Variants in ZNF438 observed in about 807,000 individuals in gnomAD.
The protein encoded by ZNF438 is zinc finger protein 438.
A neutral mutation model predicts 38.0 loss-of-function variants in ZNF438; 25 were observed. The ratio of observed to expected loss-of-function variants is 0.66; its 90% confidence interval spans 0.48 to 0.92. The LOEUF (loss-of-function observed/expected upper bound fraction) is 0.92, where lower values mean the gene tolerates loss of function less well. Ranked by LOEUF, ZNF438 falls within the 40% of genes least tolerant of loss-of-function variation. The probability of loss-of-function intolerance (pLI) is 0.00; values close to 1 mark genes in which losing one functional copy is unlikely to be tolerated. For missense variants in ZNF438, 1,007 were observed against 999.6 expected (o/e 1.01, Z -0.10); for synonymous variants, 372 against 364.1 (o/e 1.02, Z -0.25).
intron 1 of ZNF438, among the ~76,000 whole-genome samples, chr10:30,978,317 C>T (rs1030215616): frequency 1.3e-5 from 2 of 152,058 alleles, no homozygotes; most frequent in African/African-American, 4.8e-5. Context: ...ATATTGTATA[C>T]ACTGATTTAT....
At chr10:30,908,081 TTGACTC>T (rs1309895666) in intron 3 of ZNF438, among the ~76,000 whole-genome samples, 1 of 152,188 alleles carries the variant, frequency 6.6e-6, no homozygotes, top group Non-Finnish European at 1.5e-5. Flanking sequence ...GATTTCCTCT[TTGACTC>T]TGATTATTTA....
At chr10:30,874,620 T>C (rs879310718) in intron 4 of ZNF438, among the ~76,000 whole-genome samples, 3 of 152,102 alleles carry the variant, frequency 2.0e-5, no homozygotes, top group Non-Finnish European at 4.4e-5. Flanking sequence ...TATATTATTT[T>C]TCCTTATTGA....
intron 4 of ZNF438, among the ~76,000 whole-genome samples, chr10:30,860,454 C>G (rs749671058): frequency 3.9e-5 from 6 of 152,254 alleles, no homozygotes; most frequent in East Asian, 3.8e-4. Context: ...TCCAATTAAT[C>G]TGCTGATCTG....
At chr10:31,018,129 C>T (rs1395207179) in intron 1 of ZNF438, among the ~76,000 whole-genome samples, 1 of 152,182 alleles carries the variant, frequency 6.6e-6, no homozygotes, top group African/African-American at 2.4e-5. Flanking sequence ...CCAAGAAAAT[C>T]TAACAGGAGA....
chr10:31,014,049 A>T (rs377012092), intron 1 of ZNF438, among the ~76,000 whole-genome samples: 4 of 152,256 alleles, frequency 2.6e-5, no homozygotes, highest in African/African-American at 9.6e-5. Flanking sequence ...TTTAATAATG[A>T]TATCCTTGAT....
At chr10:30,965,130 TA>T (rs2136108806) in intron 1 of ZNF438, among the ~76,000 whole-genome samples, 1 of 152,182 alleles carries the variant, frequency 6.6e-6, no homozygotes, top group South Asian at 2.1e-4. Context: ...GCAAAGGACA[TA>T]AACAAACACT....
At chr10:30,914,227 T>C (rs1266167320) in intron 2 of ZNF438, among the ~76,000 whole-genome samples, 2 of 151,934 alleles carry the variant, frequency 1.3e-5, no homozygotes, top group South Asian at 2.1e-4. Flanking sequence ...AAGTTAAATC[T>C]AAGGATCCAT....
chr10:30,942,578 A>G (rs1484435105), intron 1 of ZNF438, among the ~76,000 whole-genome samples: 1 of 152,256 alleles, frequency 6.6e-6, no homozygotes, highest in Non-Finnish European at 1.5e-5. Flanking sequence ...TGATATGGTT[A>G]CAAACATAGG....
At chr10:30,908,397 G>A (rs2134472275) in intron 3 of ZNF438, among the ~76,000 whole-genome samples, 1 of 152,286 alleles carries the variant, frequency 6.6e-6, no homozygotes, top group Non-Finnish European at 1.5e-5. Flanking sequence ...TTATAATGTT[G>A]GATCTGGGAA....
chr10:31,010,285 TTC>T (rs1194800384), intron 1 of ZNF438, among the ~76,000 whole-genome samples: 71 of 152,326 alleles, frequency 4.7e-4, no homozygotes, highest in African/African-American at 1.7e-3. Context: ...CCATGGCCAG[TTC>T]CTATTCCATG....
Position 30,975,949 on chromosome 10 carries a change from T to C in ZNF438, c.-191-34298A>G, listed in dbSNP as rs1168709120. ...AGTTAAAAATCTTAGATCATATTAA[T>C]GAAAACAGAGAAGCAGATAAGTAAA... On this transcript the variant is annotated intron_variant, in intron 1 of 5. Coordinates refer to ENST00000413025, the Ensembl canonical transcript of ZNF438. Among the ~76,000 whole-genome samples, 6 of 151,990 alleles carry C rather than the reference T, an allele frequency of 3.9e-5. No individual in the cohort carries two copies. In the East Asian group the frequency reaches 9.6e-4, roughly 24 times the overall value.
At chr10:30,873,489 T>C (rs547580061) in intron 4 of ZNF438, among the ~76,000 whole-genome samples, 1 of 152,312 alleles carries the variant, frequency 6.6e-6, no homozygotes, top group Non-Finnish European at 1.5e-5. Context: ...AAATTCCACT[T>C]GCTTGACTTG....
intron 1 of ZNF438, among the ~76,000 whole-genome samples, chr10:30,994,735 T>G (rs2053871005): frequency 6.6e-6 from 1 of 151,998 alleles, no homozygotes; most frequent in African/African-American, 2.4e-5. Flanking sequence ...AAATAATACT[T>G]AAAGAAATAA....
chr10:30,892,355 G>C (rs1184384799), intron 3 of ZNF438, among the ~76,000 whole-genome samples: 2 of 152,104 alleles, frequency 1.3e-5, no homozygotes, highest in East Asian at 3.8e-4. Context: ...TATAATGTGT[G>C]AATGTGAACA....
At chr10:30,947,749 C>T (rs538054788) in intron 1 of ZNF438, among the ~76,000 whole-genome samples, 2 of 152,320 alleles carry the variant, frequency 1.3e-5, no homozygotes, top group South Asian at 2.1e-4. Flanking sequence ...TTAAGCCCGT[C>T]GGAAAAGCGC....
At chr10:30,933,300 T>C (rs995176298) in intron 2 of ZNF438, among the ~76,000 whole-genome samples, 3 of 152,368 alleles carry the variant, frequency 2.0e-5, no homozygotes, top group Admixed American at 6.5e-5. Flanking sequence ...AGGCAGCTTC[T>C]ACTTAGCTCT....
chr10:30,979,718 G>A (rs761312940), intron 1 of ZNF438, among the ~76,000 whole-genome samples: 8 of 152,062 alleles, frequency 5.3e-5, no homozygotes, highest in African/African-American at 1.2e-4. Context: ...TAATATTGAC[G>A]GTGGGGTGTT....
chr10:30,845,611 G>A (rs2031813649), intron 5 of ZNF438, 38 bp from the exon 7 acceptor site: 2 of 1,570,814 alleles, frequency 1.3e-6, no homozygotes, highest in South Asian at 2.4e-5. Context: ...AGATTTCATG[G>A]AAAAATGCAA....
At chr10:31,007,601 T>C (rs2055284109) in intron 1 of ZNF438, among the ~76,000 whole-genome samples, 1 of 152,198 alleles carries the variant, frequency 6.6e-6, no homozygotes, top group Non-Finnish European at 1.5e-5. Context: ...TTTTTGTTTG[T>C]TTGTTTCATT....
Sources: allele counts gnomAD v4.1 joint callset (sites outside exome capture counted in the v4.1 genomes callset), GRCh38; gene constraint gnomAD v4.1.1; transcripts MANE v1.5; gene names NCBI Gene and HGNC (gene_info 2026-07-23, HGNC 2026-07-21).